Variants in C1orf21 observed in about 807,000 individuals in gnomAD.
C1orf21 encodes chromosome 1 open reading frame 21, also known as uncharacterized protein C1orf21.
In C1orf21, 3 loss-of-function variants were observed where a neutral mutation model predicts 18.7. That is an observed-to-expected ratio of 0.16 (90% confidence interval 0.07 to 0.42). The LOEUF (loss-of-function observed/expected upper bound fraction) is 0.42. C1orf21 is among the 10% of genes least tolerant of loss of function. C1orf21 has a pLI of 0.99. For missense variants in C1orf21, 104 were observed against 143.6 expected, an observed-to-expected ratio of 0.72 and a Z score of 1.41; for synonymous variants, 41 against 46.4, an observed-to-expected ratio of 0.88 and a Z score of 0.47.
At chr1:184,572,255 G>A (rs998569402) in intron 3 of C1orf21, among the ~76,000 whole-genome samples, 1 of 152,214 alleles carries the variant, frequency 6.6e-6, no homozygotes, top group African/African-American at 2.4e-5. Context: ...AAGACCTCAT[G>A]TAAGGAACAA....
intron 3 of C1orf21, among the ~76,000 whole-genome samples, chr1:184,551,610 C>T (rs1051154735): frequency 6.6e-6 from 1 of 152,216 alleles, no homozygotes; most frequent in Non-Finnish European, 1.5e-5. Flanking sequence ...TCAGCTGTGT[C>T]TGCATCTTTC....
intron 5 of C1orf21, among the ~76,000 whole-genome samples, chr1:184,612,268 C>A (rs1659747198): frequency 6.6e-6 from 1 of 152,170 alleles, no homozygotes; most frequent in South Asian, 2.1e-4. Context: ...CAGAAAGAAG[C>A]CTCATTAAAA....
chr1:184,520,102 T>C (rs1256156748), intron 3 of C1orf21, among the ~76,000 whole-genome samples: 1 of 152,198 alleles, frequency 6.6e-6, no homozygotes, highest in Non-Finnish European at 1.5e-5. Flanking sequence ...ATTAATGTAT[T>C]TACTCAGTGC....
At chr1:184,422,202 GATCCT>G (rs760690940) in intron 1 of C1orf21, among the ~76,000 whole-genome samples, 12 of 152,148 alleles carry the variant, frequency 7.9e-5, no homozygotes, top group Non-Finnish European at 1.6e-4. Flanking sequence ...TCCCGTTGCT[GATCCT>G]ATCCTCTCCC....
intron 5 of C1orf21, among the ~76,000 whole-genome samples, chr1:184,611,741 G>A (rs907184150): frequency 1.3e-5 from 2 of 152,192 alleles, no homozygotes; most frequent in African/African-American, 4.8e-5. Context: ...TCAGGATGCT[G>A]TTTGCCACTC....
intron 3 of C1orf21, chr1:184,539,844 C>A (rs1658619748): frequency 6.6e-6 from 1 of 152,098 alleles, no homozygotes; most frequent in South Asian, 2.1e-4. Flanking sequence ...TCTTAAGACC[C>A]AATGCAGAAT....
In C1orf21 at chr1:184,620,097, CAGA is replaced by C. The variant is rs1188679540; in HGVS notation, c.*547_*549del. On this transcript the variant is annotated 3_prime_UTR_variant, in exon 6 of 6. Transcript: ENST00000235307. Reference sequence around the variant, plus strand: ...CTATGCCAAGCCTTGTTTCTCTGCTCAGAAGAAGTAGAGAAGCTATTATCAATT... The same window carrying C: ...CTATGCCAAGCCTTGTTTCTCTGCTCAGAAGTAGAGAAGCTATTATCAATT... 4.6e-5 allele frequency: 7 copies of C among 152,948 alleles called. No individual in the cohort carries two copies. The highest frequency in any genetic ancestry group is 2.1e-4 in the South Asian group (1 of 4,826). The allele number at this position is 152,948 out of a possible 1,614,324, so 9.5% of individuals were successfully genotyped here.
At chr1:184,513,142 T>C (rs1658176534) in intron 3 of C1orf21, among the ~76,000 whole-genome samples, 1 of 152,188 alleles carries the variant, frequency 6.6e-6, no homozygotes, top group South Asian at 2.1e-4. Flanking sequence ...ATGAAACCAG[T>C]TCCTGGTGTC....
intron 2 of C1orf21, among the ~76,000 whole-genome samples, chr1:184,488,763 G>A (rs1053359162): frequency 2.6e-5 from 4 of 152,166 alleles, no homozygotes; most frequent in African/African-American, 7.2e-5. Context: ...TCAGGAGTTC[G>A]CAACCAGCCT....
At chr1:184,413,421 G>T (rs968602929) in intron 1 of C1orf21, among the ~76,000 whole-genome samples, 1 of 152,190 alleles carries the variant, frequency 6.6e-6, no homozygotes, top group Non-Finnish European at 1.5e-5. Flanking sequence ...CAAAATAAGG[G>T]AGTGAAGCGT....
chr1:184,398,464 C>A (rs1656097782), intron 1 of C1orf21, among the ~76,000 whole-genome samples: 1 of 152,222 alleles, frequency 6.6e-6, no homozygotes, highest in South Asian at 2.1e-4. Flanking sequence ...TCCTCGTACA[C>A]TCCTTTCTTC....
At chr1:184,565,046 A>T (rs566579423) in intron 3 of C1orf21, among the ~76,000 whole-genome samples, 1 of 152,286 alleles carries the variant, frequency 6.6e-6, no homozygotes, top group Admixed American at 6.5e-5. Context: ...ACTGATGTAA[A>T]ATGAAGGGCT....
In C1orf21 at chr1:184,515,109, T is replaced by A. The variant is rs916641186; in HGVS notation, c.189+7427T>A. Reference sequence around the variant, plus strand: ...AATTAAATAAGGTATACCTATAACCTCTTTGAACACCTCCTGGCATAGAAG... The same window carrying A: ...AATTAAATAAGGTATACCTATAACCACTTTGAACACCTCCTGGCATAGAAG... On this transcript the variant is annotated intron_variant, in intron 3 of 5. Transcript: ENST00000235307. Among the ~76,000 whole-genome samples the A allele has an allele frequency of 7.9e-5, 12 of 152,242 alleles. No individual in the cohort carries two copies. The East Asian group carries it at 2.1e-3, about 27-fold the overall frequency.
rs147445421 is a variant in C1orf21, at chr1:184,483,365, A to G, written c.94+5762A>G. On this transcript the variant is annotated intron_variant, in intron 2 of 5. Coordinates refer to ENST00000235307, the MANE Select transcript of C1orf21 (RefSeq NM_030806.4). The stretch of plus-strand genomic sequence containing the variant: ...TCAACAGTCATTCTCTTAGACAACT[A>G]AAGTGGGTGCATAGAACACATTTAG... 2.8e-4 allele frequency among the ~76,000 whole-genome samples: 42 copies of G among 152,340 alleles called. 1 individual carries two copies. In the East Asian group the frequency reaches 6.6e-3, roughly 24 times the overall value.
intron 1 of C1orf21, among the ~76,000 whole-genome samples, chr1:184,476,999 A>T (rs1657581398): frequency 6.6e-6 from 1 of 152,154 alleles, no homozygotes; most frequent in Non-Finnish European, 1.5e-5. Context: ...AACTAGGTGG[A>T]TCTCAAGAGT....
At chr1:184,509,483 G>A (rs150448955) in intron 3 of C1orf21, among the ~76,000 whole-genome samples, 171 of 152,302 alleles carry the variant, frequency 1.1e-3, no homozygotes, top group African/African-American at 3.6e-3. Context: ...TGAATGGGGA[G>A]TAAATAGCTA....
chr1:184,519,496 G>C lies in C1orf21; in HGVS notation c.189+11814G>C, dbSNP rs548348705. ...ATTTATTTATCTCACTAAAACATGA[G>C]CATTTTTTATATGCAAGTGGCCCCA... is the stretch of plus-strand genomic sequence containing the variant. On this transcript the variant is annotated intron_variant, in intron 3 of 5. Transcript: ENST00000235307. 2.3e-3 allele frequency among the ~76,000 whole-genome samples: 351 copies of C among 152,258 alleles called. 1 individual carries two copies. Among genetic ancestry groups the C allele is most frequent in the African/African-American group, 8.1e-3 (338 of 41,568 alleles).
intron 1 of C1orf21, among the ~76,000 whole-genome samples, chr1:184,445,373 T>TCG (rs752979668): frequency 6.6e-6 from 1 of 151,130 alleles, no homozygotes; most frequent in Non-Finnish European, 1.5e-5. Context: ...TCTCTCTCTC[T>TCG]CGCAAGGAGC....
At chr1:184,467,670 T>C (rs1314257191) in intron 1 of C1orf21, among the ~76,000 whole-genome samples, 2 of 152,206 alleles carry the variant, frequency 1.3e-5, no homozygotes, top group Non-Finnish European at 2.9e-5. Flanking sequence ...CTTGACCATC[T>C]CTTCTTTCTA....
Sources: allele counts gnomAD v4.1 joint callset (sites outside exome capture counted in the v4.1 genomes callset), GRCh38; gene constraint gnomAD v4.1.1; transcripts MANE v1.5; gene names NCBI Gene and HGNC (gene_info 2026-07-23, HGNC 2026-07-21).